The following C2CD3 variants were observed in gnomAD, a reference collection of about 807,000 sequenced individuals.
The protein encoded by C2CD3 is C2 domain containing 3 centriole elongation regulator, also known as C2 domain-containing protein 3.
C2CD3 carries 148 observed loss-of-function variants against 234.0 expected under a neutral mutation model. That is an observed-to-expected ratio of 0.63 (90% CI 0.55 to 0.72). C2CD3 has a LOEUF of 0.72. C2CD3 is among the 30% of genes least tolerant of loss of function. C2CD3 has a pLI of 0.00. For synonymous variants in C2CD3, 1,000 were observed against 1,035.4 expected, an observed-to-expected ratio of 0.97 and a Z score of 0.66; for missense variants, 2,577 against 2,811.5, an observed-to-expected ratio of 0.92 and a Z score of 1.89.
intron 7 of C2CD3, 81 bp from the exon 8 acceptor site, chr11:74,123,216 A>T: frequency 9.8e-7 from 1 of 1,024,778 alleles, no homozygotes. Context: ...AAACTTTCTG[A>T]GGTTCTAAAT....
intron 3 of C2CD3, among the ~76,000 whole-genome samples, chr11:74,152,084 T>A (rs1381855214): frequency 6.6e-6 from 1 of 152,140 alleles, no homozygotes; most frequent in African/African-American, 2.4e-5. Context: ...TCAAGCAGTC[T>A]AAGATACTTT....
chr11:74,103,118 T>G lies in C2CD3; in HGVS notation c.2580+13A>C. The G allele has an allele frequency of 6.2e-7, 1 of 1,600,780 alleles. No homozygotes were observed. The highest frequency in any genetic ancestry group is 8.5e-7 in the Non-Finnish European group (1 of 1,172,210). Reference sequence around the variant, plus strand: ...CTATATTCCTCTAATGGATATGGAATGTACAAAGTTACCTGAGAAAAGTTA... The same window carrying G: ...CTATATTCCTCTAATGGATATGGAAGGTACAAAGTTACCTGAGAAAAGTTA... On this transcript the variant is annotated intron_variant, in intron 14 of 32. Transcript: ENST00000334126.
intron 8 of C2CD3, among the ~76,000 whole-genome samples, chr11:74,119,706 G>A (rs888766795): frequency 6.8e-6 from 1 of 148,144 alleles, no homozygotes; most frequent in Non-Finnish European, 1.5e-5. Flanking sequence ...CGCAATCTCC[G>A]CTCACTGCAA....
rs369440538 is a variant in C2CD3, at chr11:74,067,712, G to C, written c.4951+6541C>G. 2.7e-4 allele frequency among the ~76,000 whole-genome samples: 41 copies of C among 152,266 alleles called. No individual in the cohort carries two copies. In the South Asian group the frequency reaches 8.5e-3, roughly 32 times the overall value. ...AGTTTTATTTTAGTGAAACTGAACA[G>C]TATTTATGCGGATTGACTTGCTGAG... On this transcript the variant is annotated intron_variant, in intron 24 of 32. Coordinates refer to ENST00000334126, the MANE Select transcript of C2CD3 (RefSeq NM_001286577.2).
intron 26 of C2CD3, 99 bp downstream of exon 26, chr11:74,054,506 GGA>G (rs1953866688): frequency 1.7e-6 from 1 of 582,120 alleles, no homozygotes; most frequent in Non-Finnish European, 2.8e-6. Flanking sequence ...CACTTGGTTT[GGA>G]AAAAAAAAAA....
chr11:74,148,065 TAAATTTTAC>T (rs1187125191), intron 3 of C2CD3, among the ~76,000 whole-genome samples: 2 of 148,644 alleles, frequency 1.3e-5, no homozygotes, highest in East Asian at 1.9e-4. Flanking sequence ...ACAAATGTCT[TAAATTTTAC>T]AAATTTTACA....
In C2CD3 at chr11:74,078,254, C is replaced by T; in HGVS notation, c.4464G>A (p.Glu1488=). 3 of 1,614,156 alleles carry T rather than the reference C, an allele frequency of 1.9e-6. No individual in the cohort carries two copies. Among genetic ancestry groups the T allele is most frequent in the Middle Eastern group, 1.6e-4 (1 of 6,062 alleles). ...GPSLLWYFRE[E]RLEIQVWRAY... Reference sequence around the variant, plus strand: ...CTCGCCACACTTGGATCTCTAGCCTCTCCTCCCTGAAGTACCAAAGCAGTG... The same window carrying T: ...CTCGCCACACTTGGATCTCTAGCCTTTCCTCCCTGAAGTACCAAAGCAGTG... Residue 1488 remains glutamate (E), a synonymous_variant, in exon 23 of 33, where the codon GAG becomes GAA. Transcript: ENST00000334126.
intron 7 of C2CD3, among the ~76,000 whole-genome samples, chr11:74,130,928 T>G (rs1331043987): frequency 6.6e-6 from 1 of 152,124 alleles, no homozygotes; most frequent in African/African-American, 2.4e-5. Flanking sequence ...ATTTTTTCCA[T>G]GTATTTAAAT....
intron 14 of C2CD3, 117 bp from the exon 15 acceptor site, chr11:74,100,793 A>G (rs978724866): frequency 6.3e-6 from 5 of 794,730 alleles, no homozygotes; most frequent in Non-Finnish European, 9.7e-6. Context: ...CAGTGTTATG[A>G]GCTAAAGACA....
At chr11:74,075,614 A>T (rs977865166) in intron 23 of C2CD3, among the ~76,000 whole-genome samples, 2 of 152,192 alleles carry the variant, frequency 1.3e-5, no homozygotes, top group Non-Finnish European at 2.9e-5. Context: ...AGTTTGCTTC[A>T]TTAGATTCAC....
intron 23 of C2CD3, among the ~76,000 whole-genome samples, chr11:74,075,960 T>C (rs752132500): frequency 1.5e-4 from 23 of 152,226 alleles, no homozygotes; most frequent in Non-Finnish European, 2.9e-4. Context: ...GAGAAACGGA[T>C]GATCTGAAAA....
At chr11:74,064,026 A>G (rs1397799430) in intron 24 of C2CD3, among the ~76,000 whole-genome samples, 3 of 151,914 alleles carry the variant, frequency 2.0e-5, no homozygotes. Flanking sequence ...CATTAGGTAT[A>G]TCTCCTAATG....
intron 8 of C2CD3, among the ~76,000 whole-genome samples, chr11:74,119,630 TACA>T (rs1406425721): frequency 6.6e-6 from 1 of 150,768 alleles, no homozygotes; most frequent in Non-Finnish European, 1.5e-5. Flanking sequence ...TTGGAAGCAA[TACA>T]ACTTTTTTTT....
intron 3 of C2CD3, among the ~76,000 whole-genome samples, chr11:74,140,612 T>G (rs1958021628): frequency 6.6e-6 from 1 of 152,210 alleles, no homozygotes; most frequent in South Asian, 2.1e-4. Flanking sequence ...TCATCCTGAT[T>G]AGATTATGCA....
intron 12 of C2CD3, 56 bp from the exon 13 acceptor site, chr11:74,106,549 CTTAA>C (rs1197038136): frequency 1.0e-5 from 16 of 1,553,720 alleles, no homozygotes; most frequent in Middle Eastern, 1.7e-4. Context: ...CACAGGTGAT[CTTAA>C]TTAAAGTGAC....
At chr11:74,071,240 T>A (rs1249722705) in intron 24 of C2CD3, among the ~76,000 whole-genome samples, 2 of 152,146 alleles carry the variant, frequency 1.3e-5, no homozygotes, top group Non-Finnish European at 2.9e-5. Context: ...CTGGCAAGAG[T>A]TGCAGACCTG....
intron 26 of C2CD3, among the ~76,000 whole-genome samples, chr11:74,052,195 C>T (rs1475371132): frequency 1.3e-5 from 2 of 152,150 alleles, no homozygotes; most frequent in Non-Finnish European, 2.9e-5. Flanking sequence ...TAGCAAGACC[C>T]TCTTGAAGTC....
In C2CD3 at chr11:74,147,318, G is replaced by A. The variant is rs138621301; in HGVS notation, c.484-7490C>T. Among the ~76,000 whole-genome samples the A allele has an allele frequency of 2.6e-3, 400 of 152,242 alleles. 2 individuals carry two copies. Among genetic ancestry groups the A allele is most frequent in the Non-Finnish European group, 4.4e-3 (302 of 68,010 alleles). On this transcript the variant is annotated intron_variant, in intron 3 of 32. Coordinates refer to ENST00000334126, the MANE Select transcript of C2CD3 (RefSeq NM_001286577.2). ...GTTAGTCCCAGCTACTAGGAAGGCT[G>A]TCGTGGGAGGATCACTTGAGCCCAG...
intron 7 of C2CD3, among the ~76,000 whole-genome samples, chr11:74,130,301 T>C (rs1250392842): frequency 1.3e-5 from 2 of 151,804 alleles, no homozygotes; most frequent in Non-Finnish European, 2.9e-5. Flanking sequence ...TCCTAGCTCA[T>C]TGTATCCTTG....
Sources: gnomAD v4.1 joint callset for allele counts (sites outside exome capture counted in the v4.1 genomes callset) on GRCh38, gnomAD v4.1.1 for gene constraint, MANE v1.5 for transcripts, NCBI Gene and HGNC (gene_info 2026-07-23, HGNC 2026-07-21) for gene names.